NAALAD2: variants seen among roughly 807,000 people sequenced by gnomAD.
The protein encoded by NAALAD2 is N-acetylated alpha-linked acidic dipeptidase 2.
A neutral mutation model predicts 95.6 loss-of-function variants in NAALAD2; 89 were observed. The observed-to-expected ratio is 0.93, with a 90% CI of 0.78 to 1.11. The LOEUF (loss-of-function observed/expected upper bound fraction) is 1.11. NAALAD2 is among the 50% of genes least tolerant of loss of function. The probability of loss-of-function intolerance (pLI) is 0.00; values close to 1 mark genes in which losing one functional copy is unlikely to be tolerated. For missense variants in NAALAD2, 894 were observed against 872.4 expected, an observed-to-expected ratio of 1.02 and a Z score of -0.31; for synonymous variants, 264 against 294.4, an observed-to-expected ratio of 0.90 and a Z score of 1.06.
At chr11:90,135,781 C>T in intron 2 of NAALAD2, 111 bp downstream of exon 2, 1 of 674,282 alleles carries the variant, frequency 1.5e-6, no homozygotes, top group Non-Finnish European at 2.2e-6. Context: ...TGTGAAATTA[C>T]ATATTAGTCA....
chr11:90,168,853 A>G, intron 11 of NAALAD2, 76 bp from the exon 12 acceptor site: 1 of 1,224,662 alleles, frequency 8.2e-7, no homozygotes, highest in African/African-American at 1.5e-5. Flanking sequence ...TTTTCCACGA[A>G]ATTAATTTGC....
intron 13 of NAALAD2, among the ~76,000 whole-genome samples, chr11:90,171,514 G>T (rs780185872): frequency 6.6e-6 from 1 of 152,142 alleles, no homozygotes; most frequent in Non-Finnish European, 1.5e-5. Flanking sequence ...TTTATGATTT[G>T]TGCTGTCCTA....
intron 6 of NAALAD2, among the ~76,000 whole-genome samples, chr11:90,152,789 G>C (rs1366911600): frequency 6.6e-6 from 1 of 151,838 alleles, no homozygotes; most frequent in Non-Finnish European, 1.5e-5. Flanking sequence ...GACAATTTAG[G>C]TTTGCTGAAT....
chr11:90,154,830 G>A (rs12293182), intron 6 of NAALAD2, among the ~76,000 whole-genome samples: 61,208 of 138,558 alleles, frequency 0.44, 14,706 homozygotes, highest in African/African-American at 0.62. Flanking sequence ...AATATGTAAT[G>A]TTACATAGTA....
In NAALAD2 at chr11:90,146,343, A is replaced by ATTTTTTT. The variant is rs71477596; in HGVS notation, c.195-960_195-954dup. Among the ~76,000 whole-genome samples the ATTTTTTT allele has an allele frequency of 5.7e-3, 274 of 48,014 alleles. 5 individuals carry two copies. The highest frequency in any genetic ancestry group is 7.5e-3 in the Non-Finnish European group (204 of 27,360). 31.5% of individuals were successfully genotyped at this position (48,014 alleles called of 152,430 possible). ...GTTCTACTGATGGTGGGGGAGTTTA[A>ATTTTTTT]TTTTTTTTTTTTTTTTTTTTTTTTT... On this transcript the variant is annotated intron_variant, in intron 2 of 18. Transcript: ENST00000534061.
In NAALAD2 at chr11:90,177,586, G is replaced by GTTT. The variant is rs57694347; in HGVS notation, c.1594-231_1594-229dup. Among the ~76,000 whole-genome samples the GTTT allele has an allele frequency of 9.8e-4, 28 of 28,466 alleles. 7 individuals carry two copies. Among genetic ancestry groups the GTTT allele is most frequent in the African/African-American group, 1.4e-3 (10 of 7,250 alleles). 18.7% of individuals were successfully genotyped at this position (28,466 alleles called of 152,430 possible). A position where few individuals can be genotyped will look rare whatever the true frequency, so the allele number is the denominator to read the frequency against. On this transcript the variant is annotated intron_variant, in intron 15 of 18. Transcript: ENST00000534061. ...TATGGTTGTATTTTTTCTTTTTCTT[G>GTTT]TTTTTTTTTTTTTTTTTTTTTTTTT...
rs541476533 is a variant in NAALAD2 at position 90,134,855 on chromosome 11, C to T, written c.82+15C>T. The T allele has an allele frequency of 6.1e-5, 99 of 1,612,866 alleles. No individual in the cohort carries two copies. The highest frequency in any genetic ancestry group is 4.6e-4 in the South Asian group (42 of 91,048). ...ATTTATGGTGGGTAAGTGAACAAAA[C>T]ACTCTACCCCGACTCCGGGGCTCGT... is the stretch of plus-strand genomic sequence containing the variant. On this transcript the variant is annotated intron_variant, in intron 1 of 18. Coordinates refer to ENST00000534061, the MANE Select transcript of NAALAD2 (RefSeq NM_005467.4).
chr11:90,145,757 G>T (rs1186236432), intron 2 of NAALAD2, among the ~76,000 whole-genome samples: 1 of 152,044 alleles, frequency 6.6e-6, no homozygotes, highest in East Asian at 1.9e-4. Flanking sequence ...CAATATTTTT[G>T]GTTGAGATAA....
chr11:90,137,569 T>G (rs986594925), intron 2 of NAALAD2, among the ~76,000 whole-genome samples: 2 of 152,090 alleles, frequency 1.3e-5, no homozygotes, highest in African/African-American at 4.8e-5. Context: ...TATTTAGATA[T>G]AAGTTGTTTT....
At chr11:90,135,522 G>A (rs756759023) in intron 1 of NAALAD2, 37 bp from the exon 2 acceptor site, 19 of 1,437,812 alleles carry the variant, frequency 1.3e-5, no homozygotes, top group Non-Finnish European at 1.8e-5. Flanking sequence ...GTGATTTTGT[G>A]TGTATGTGTG....
At chr11:90,163,289 C>T (rs489009) in intron 9 of NAALAD2, 21 bp from the exon 10 acceptor site, 862,366 of 1,596,804 alleles carry the variant, frequency 0.54, 238,578 homozygotes, top group African/African-American at 0.86. Context: ...TTGTAGGTTT[C>T]TTGAACGTAT....
chr11:90,166,062 A>C (rs1354202609), intron 11 of NAALAD2, among the ~76,000 whole-genome samples: 1 of 152,190 alleles, frequency 6.6e-6, no homozygotes, highest in Non-Finnish European at 1.5e-5. Flanking sequence ...TTATAATGGA[A>C]ACTCTGATTT....
chr11:90,191,724 G>T lies in NAALAD2; in HGVS notation c.2200G>T (p.Gly734Ter). 1 of 1,588,440 alleles carries T rather than the reference G, an allele frequency of 6.3e-7. No individual in the cohort carries two copies. The highest frequency in any genetic ancestry group is 8.6e-7 in the Non-Finnish European group (1 of 1,168,322). ...IAAFTIQAAA[G>*]TLKEVL ...AGCTTTTACAATTCAAGCAGCAGCA[G>T]GAACTCTGAAAGAAGTATTATAGAA... Residue 734 changes from glycine to a stop codon, truncating the protein, a stop_gained, in exon 19 of 19, where the codon GGA becomes TGA. Coordinates refer to ENST00000534061, the MANE Select transcript of NAALAD2 (RefSeq NM_005467.4). LOFTEE classifies it high-confidence loss of function.
chr11:90,158,496 TG>T, intron 7 of NAALAD2: 1 of 319,928 alleles, frequency 3.1e-6, no homozygotes, highest in Non-Finnish European at 5.7e-6. Flanking sequence ...AAGATAATTC[TG>T]ATTTGAGATT....
chr11:90,170,575 A>C (rs1009744489), intron 13 of NAALAD2, among the ~76,000 whole-genome samples: 4 of 152,236 alleles, frequency 2.6e-5, no homozygotes, highest in Non-Finnish European at 5.9e-5. Flanking sequence ...GAATTCGAAG[A>C]CTTTGTAATC....
intron 1 of NAALAD2, chr11:90,135,108 A>G (rs907881493): frequency 2.4e-6 from 1 of 420,114 alleles, no homozygotes; most frequent in South Asian, 4.2e-5. Flanking sequence ...CACTGTCTGC[A>G]GGGATGAAAA....
intron 16 of NAALAD2, among the ~76,000 whole-genome samples, chr11:90,180,999 G>C (rs1952947984): frequency 6.6e-6 from 1 of 152,036 alleles, no homozygotes; most frequent in Non-Finnish European, 1.5e-5. Context: ...TTTTATATAA[G>C]GGAGTTGCTT....
At position 90,191,894 on chromosome 11, in the gene NAALAD2, CTTTT is replaced by C. The variant is rs372095839; in HGVS notation, c.*154_*157del. ...GCTTTGGTCTTTTCATCTGCAAAGC[CTTTT>C]TTTTTTGCTCTTTAAAAGTTAATAA... On this transcript the variant is annotated 3_prime_UTR_variant, in exon 19 of 19. Transcript: ENST00000534061. 1 of 437,068 alleles carries C rather than the reference CTTTT, an allele frequency of 2.3e-6. No homozygotes were observed. Among genetic ancestry groups the C allele is most frequent in the Non-Finnish European group, 3.6e-6 (1 of 274,366 alleles). 27.1% of individuals were successfully genotyped at this position (437,068 alleles called of 1,614,324 possible).
At chr11:90,181,725 T>TA (rs1952978013) in intron 17 of NAALAD2, 24 bp downstream of exon 17, 46 of 1,365,780 alleles carry the variant, frequency 3.4e-5, no homozygotes, top group Middle Eastern at 2.2e-4. Context: ...CCCTTTTTTT[T>TA]TAAAAAAAAA....
Sources: gnomAD v4.1 joint callset for allele counts (sites outside exome capture counted in the v4.1 genomes callset) on GRCh38, gnomAD v4.1.1 for gene constraint, MANE v1.5 for transcripts, NCBI Gene and HGNC (gene_info 2026-07-23, HGNC 2026-07-21) for gene names.